NMNAT3: variants seen among roughly 807,000 people sequenced by gnomAD.
NMNAT3 encodes nicotinamide/nicotinic acid mononucleotide adenylyltransferase 3.
Under a neutral mutation model 24.8 loss-of-function variants are expected in NMNAT3, and 21 were observed. The ratio of observed to expected loss-of-function variants is 0.85; its 90% CI spans 0.60 to 1.22. The LOEUF (loss-of-function observed/expected upper bound fraction) is 1.22, where lower values mean the gene tolerates loss of function less well. NMNAT3 is among the 50% of genes most tolerant of loss of function. The pLI, the probability that NMNAT3 is intolerant of heterozygous loss-of-function variation, is 0.00. For missense variants in NMNAT3, 387 were observed against 436.6 expected, an observed-to-expected ratio of 0.89 and a Z score of 1.01; for synonymous variants, 136 against 155.2, an observed-to-expected ratio of 0.88 and a Z score of 0.92.
At chr3:139,647,293 T>G in intron 1 of NMNAT3, among the ~76,000 whole-genome samples, 2 of 152,226 alleles carry the variant, frequency 1.3e-5, no homozygotes, top group East Asian at 3.8e-4. Context: ...GTTTTCAATG[T>G]ACAGAGCAAA....
intron 1 of NMNAT3, among the ~76,000 whole-genome samples, chr3:139,675,995 C>T (rs1388354800): frequency 2.6e-5 from 4 of 152,242 alleles, no homozygotes; most frequent in African/African-American, 9.6e-5. Context: ...AGTGCCAGGT[C>T]TGTGACCACC....
intron 5 of NMNAT3, 24 bp from the exon 6 acceptor site, chr3:139,573,704 AG>A: frequency 1.4e-6 from 2 of 1,418,336 alleles, no homozygotes; most frequent in Non-Finnish European, 1.9e-6. Flanking sequence ...ATATGGGCTC[AG>A]GGTATGTCTG....
chr3:139,561,978 A>T (rs1344492583), intron 6 of NMNAT3, among the ~76,000 whole-genome samples: 1 of 151,822 alleles, frequency 6.6e-6, no homozygotes, highest in Admixed American at 6.6e-5. Context: ...AAGCTCTAGA[A>T]CAATGCTTAA....
chr3:139,586,849 G>A (rs1243509337), intron 3 of NMNAT3, among the ~76,000 whole-genome samples: 1 of 152,100 alleles, frequency 6.6e-6, no homozygotes, highest in African/African-American at 2.4e-5. Context: ...TGGCCTGAGG[G>A]TGAGGTGAGG....
rs896562208 is a variant in NMNAT3 at position 139,583,388 on chromosome 3, C to T, written c.110-180G>A. 10 of 1,567,892 alleles carry T rather than the reference C, an allele frequency of 6.4e-6. 1 individual carries two copies. The Admixed American group carries it at 1.5e-4, about 24-fold the overall frequency. Reference sequence around the variant, plus strand: ...TTCAACTGGAATGTAACATGTAGAGCAGTAGAACATTCTGGAACCACCACA... The same window carrying T: ...TTCAACTGGAATGTAACATGTAGAGTAGTAGAACATTCTGGAACCACCACA... On this transcript the variant is annotated intron_variant, in intron 3 of 6. Transcript: ENST00000643695.
At chr3:139,661,508 A>C (rs2057416364) in intron 1 of NMNAT3, among the ~76,000 whole-genome samples, 1 of 152,154 alleles carries the variant, frequency 6.6e-6, no homozygotes, top group South Asian at 2.1e-4. Flanking sequence ...TCTCTACAGG[A>C]AATTTTAAAT....
At chr3:139,601,366 C>T (rs1473189153) in intron 3 of NMNAT3, among the ~76,000 whole-genome samples, 1 of 152,196 alleles carries the variant, frequency 6.6e-6, no homozygotes, top group African/African-American at 2.4e-5. Context: ...TACTTAACCT[C>T]TCTATACCCT....
intron 3 of NMNAT3, among the ~76,000 whole-genome samples, chr3:139,617,504 T>A (rs186611801): frequency 9.9e-4 from 151 of 152,326 alleles, no homozygotes; most frequent in African/African-American, 3.4e-3. Context: ...ACCCACCTGG[T>A]AGGGCTGTTA....
At chr3:139,675,131 A>AACAAACACACACACAC (rs1397817305) in intron 1 of NMNAT3, among the ~76,000 whole-genome samples, 1 of 25,098 alleles carries the variant, frequency 4.0e-5, no homozygotes, top group Non-Finnish European at 8.7e-5. Context: ...ATTCCTTTTA[A>AACAAACACACACACAC]ACATACACAC....
At chr3:139,641,901 A>G (rs1166604578) in intron 1 of NMNAT3, among the ~76,000 whole-genome samples, 4 of 152,168 alleles carry the variant, frequency 2.6e-5, no homozygotes, top group Admixed American at 6.5e-5. Flanking sequence ...CATGAGAACC[A>G]TAGCACCACA....
At chr3:139,610,090 A>G (rs2055138378) in intron 3 of NMNAT3, among the ~76,000 whole-genome samples, 1 of 152,200 alleles carries the variant, frequency 6.6e-6, no homozygotes, top group African/African-American at 2.4e-5. Flanking sequence ...TAGCAAATAT[A>G]TGAGTAATGG....
At chr3:139,665,047 C>A (rs1298346916) in intron 1 of NMNAT3, among the ~76,000 whole-genome samples, 1 of 152,144 alleles carries the variant, frequency 6.6e-6, no homozygotes, top group Non-Finnish European at 1.5e-5. Context: ...GACCACTACC[C>A]ACACCCTCCT....
intron 3 of NMNAT3, among the ~76,000 whole-genome samples, chr3:139,585,169 T>C (rs2053881113): frequency 6.6e-6 from 1 of 152,208 alleles, no homozygotes; most frequent in African/African-American, 2.4e-5. Flanking sequence ...GCAGTAGTAA[T>C]TGGCAATTGT....
chr3:139,655,833 C>G (rs940024634), intron 1 of NMNAT3, among the ~76,000 whole-genome samples: 2 of 152,184 alleles, frequency 1.3e-5, no homozygotes, highest in Non-Finnish European at 2.9e-5. Flanking sequence ...TGGATTGCAG[C>G]AAACCAGAGG....
intron 6 of NMNAT3, among the ~76,000 whole-genome samples, chr3:139,562,795 T>C (rs1190925668): frequency 2.6e-5 from 4 of 152,222 alleles, no homozygotes; most frequent in Admixed American, 6.5e-5. Context: ...ATCCATGAGA[T>C]GATGAGCTCT....
Position 139,560,990 on chromosome 3 carries a change from G to A in NMNAT3, c.*20C>T. The A allele has an allele frequency of 1.3e-6, 2 of 1,597,724 alleles. No homozygotes were observed. The highest frequency in any genetic ancestry group is 1.7e-6 in the Non-Finnish European group (2 of 1,169,700). ...AGCAGGAGCTTGTTGGAGGAGGTGT[G>A]GGTGCTGAGTCCCCCCTCCCTAGCT... On this transcript the variant is annotated 3_prime_UTR_variant, in exon 7 of 7. Coordinates refer to ENST00000643695, the MANE Select transcript of NMNAT3 (RefSeq NM_001320510.2).
intron 3 of NMNAT3, among the ~76,000 whole-genome samples, chr3:139,595,199 T>C (rs1013894837): frequency 3.9e-4 from 59 of 152,020 alleles, no homozygotes; most frequent in Non-Finnish European, 7.8e-4. Flanking sequence ...CATGAGTGAA[T>C]TCCCATTCAC....
chr3:139,636,451 AC>A (rs1417318605), intron 2 of NMNAT3: 12 of 152,236 alleles, frequency 7.9e-5, no homozygotes, highest in Non-Finnish European at 1.3e-4. Flanking sequence ...TCTGTAGATC[AC>A]AAAAACCAGA....
intron 3 of NMNAT3, among the ~76,000 whole-genome samples, chr3:139,603,653 C>T (rs2054812850): frequency 6.6e-6 from 1 of 152,120 alleles, no homozygotes; most frequent in Non-Finnish European, 1.5e-5. Context: ...GTCACTATGA[C>T]CAACACCATA....
Sources: allele counts gnomAD v4.1 joint callset (sites outside exome capture counted in the v4.1 genomes callset), GRCh38; gene constraint gnomAD v4.1.1; transcripts MANE v1.5; gene names NCBI Gene and HGNC (gene_info 2026-07-23, HGNC 2026-07-21).